SMAD4: variants seen among roughly 807,000 people sequenced by gnomAD.
SMAD4 encodes the protein MAD homolog 4.
SMAD4 carries 7 observed loss-of-function variants against 63.2 expected under a neutral mutation model. That is an observed-to-expected ratio of 0.11 (90% CI 0.06 to 0.21). The LOEUF (loss-of-function observed/expected upper bound fraction) is 0.21. Among genes scored for constraint, SMAD4 ranks in the 10% least tolerant of loss-of-function variants. SMAD4 has a pLI of 1.00. For missense variants in SMAD4, 312 were observed against 693.8 expected, an observed-to-expected ratio of 0.45 and a Z score of 6.18; for synonymous variants, 215 against 235.4, an observed-to-expected ratio of 0.91 and a Z score of 0.79.
At chr18:51,050,494 C>T (rs1413414511) in intron 4 of SMAD4, among the ~76,000 whole-genome samples, 1 of 151,702 alleles carries the variant, frequency 6.6e-6, no homozygotes, top group Non-Finnish European at 1.5e-5. Context: ...CCCGTCTCTA[C>T]TAAAAACATA....
At chr18:51,065,299 T>C in intron 8 of SMAD4, 124 bp from the exon 9 acceptor site, 1 of 778,850 alleles carries the variant, frequency 1.3e-6, no homozygotes, top group East Asian at 2.5e-5. Context: ...TTGTTTTGGG[T>C]GCATTACATT....
chr18:51,036,309 C>G (rs1319364091), intron 1 of SMAD4, among the ~76,000 whole-genome samples: 14 of 152,222 alleles, frequency 9.2e-5, no homozygotes. Flanking sequence ...CTACTCAGGT[C>G]TTTTCAAGTC....
In SMAD4 at chr18:51,082,280, A is replaced by C. The variant is rs1014336590; in HGVS notation, c.*3813A>C. ...CAGATAGCTATCTAAATAATCTCAT[A>C]TCCTCTTTTGCAAAGACTACAGAGA... On this transcript the variant is annotated 3_prime_UTR_variant, in exon 12 of 12. Transcript: ENST00000342988. The C allele has an allele frequency of 1.3e-5, 3 of 228,944 alleles. No individual in the cohort carries two copies. Among genetic ancestry groups the C allele is most frequent in the Admixed American group, 5.7e-5 (1 of 17,612 alleles). 14.2% of individuals were successfully genotyped at this position (228,944 alleles called of 1,614,324 possible). A position where few individuals can be genotyped will look rare whatever the true frequency, so the allele number is the denominator to read the frequency against.
chr18:51,065,125 C>A (rs1417736524), intron 8 of SMAD4, among the ~76,000 whole-genome samples: 1 of 151,510 alleles, frequency 6.6e-6, no homozygotes, highest in Non-Finnish European at 1.5e-5. Context: ...GAGGTAAGAA[C>A]CAAATTCCAG....
At chr18:51,034,596 G>T (rs1421369496) in intron 1 of SMAD4, among the ~76,000 whole-genome samples, 3 of 151,236 alleles carry the variant, frequency 2.0e-5, no homozygotes, top group African/African-American at 7.3e-5. Context: ...CCAGCCTGGA[G>T]TACAGTGCTG....
At chr18:51,046,022 A>C (rs1455009875) in intron 1 of SMAD4, among the ~76,000 whole-genome samples, 1 of 152,138 alleles carries the variant, frequency 6.6e-6, no homozygotes, top group Non-Finnish European at 1.5e-5. Flanking sequence ...CTATGCATTC[A>C]TCAGTTGATG....
At chr18:51,073,361 T>TTATA (rs35099364) in intron 10 of SMAD4, among the ~76,000 whole-genome samples, 848 of 21,848 alleles carry the variant, frequency 0.039, 38 homozygotes, top group African/African-American at 0.043. Flanking sequence ...CCAGATAACA[T>TTATA]TATATATATA....
intron 4 of SMAD4, chr18:51,051,158 G>T: frequency 3.6e-6 from 1 of 280,802 alleles, no homozygotes; most frequent in South Asian, 3.4e-5. Context: ...TCTCTCTATG[G>T]GGCTGTTTGT....
chr18:51,064,481 T>A (rs991656922), intron 8 of SMAD4, among the ~76,000 whole-genome samples: 3 of 152,250 alleles, frequency 2.0e-5, no homozygotes, highest in Non-Finnish European at 4.4e-5. Context: ...TGTTTTCTAC[T>A]GTGTATGCAG....
In SMAD4 at chr18:51,033,112, C is replaced by T. The variant is rs558000718; in HGVS notation, c.-128+2489C>T. Among the ~76,000 whole-genome samples the T allele has an allele frequency of 6.3e-4, 96 of 151,264 alleles. 3 individuals carry two copies. The highest frequency in any genetic ancestry group is 5.9e-3 in the Admixed American group (90 of 15,172). On this transcript the variant is annotated intron_variant, in intron 1 of 11. Coordinates refer to ENST00000342988, the MANE Select transcript of SMAD4 (RefSeq NM_005359.6). ...GTGACTCTGAGGTGACCATTAATCG[C>T]GTATAAAAGTAACCTGACTAAAATG...
chr18:51,073,386 T>TATATATATAC (rs1785322572), intron 10 of SMAD4, among the ~76,000 whole-genome samples: 2 of 82,076 alleles, frequency 2.4e-5, no homozygotes, highest in Non-Finnish European at 2.3e-5. Context: ...TATATATATA[T>TATATATATAC]ATACACACAC....
chr18:51,080,412 T>C lies in SMAD4; in HGVS notation c.*1945T>C. 1 of 231,334 alleles carries C rather than the reference T, an allele frequency of 4.3e-6. No individual in the cohort carries two copies. The highest frequency in any genetic ancestry group is 8.6e-6 in the Non-Finnish European group (1 of 116,948). The allele number at this position is 231,334 out of a possible 1,614,324, so 14.3% of individuals were successfully genotyped here. On this transcript the variant is annotated 3_prime_UTR_variant, in exon 12 of 12. Transcript: ENST00000342988. ...TTATTGGCAGTTTTATAAAAAGACA[T>C]CTTCTCTAGAAATTGCTAACTTTAG...
At chr18:51,076,970 T>C (rs1316403376) in intron 11 of SMAD4, 194 bp downstream of exon 11, 3 of 506,842 alleles carry the variant, frequency 5.9e-6, no homozygotes, top group African/African-American at 5.9e-5. Flanking sequence ...TTGCATTCTT[T>C]TTGTATCAAA....
chr18:51,063,809 G>T (rs1429983743), intron 8 of SMAD4, among the ~76,000 whole-genome samples: 8 of 152,186 alleles, frequency 5.3e-5, no homozygotes, highest in Non-Finnish European at 1.0e-4. Context: ...TAAGCATAAT[G>T]AAATATATGT....
chr18:51,060,939 A>G (rs1013804636), intron 8 of SMAD4, among the ~76,000 whole-genome samples: 3 of 151,766 alleles, frequency 2.0e-5, no homozygotes, highest in Non-Finnish European at 2.9e-5. Flanking sequence ...GGATCTCGCT[A>G]TGTTGTCCAG....
At chr18:51,049,896 A>G (rs970441067) in intron 4 of SMAD4, among the ~76,000 whole-genome samples, 1 of 152,240 alleles carries the variant, frequency 6.6e-6, no homozygotes, top group Non-Finnish European at 1.5e-5. Context: ...TATTTTTAAA[A>G]AGAAAAAGTG....
At chr18:51,050,221 T>TG (rs1360937125) in intron 4 of SMAD4, among the ~76,000 whole-genome samples, 3 of 151,802 alleles carry the variant, frequency 2.0e-5, no homozygotes, top group Non-Finnish European at 2.9e-5. Context: ...TAGCCAGGCA[T>TG]GGTGGCGGGT....
At chr18:51,064,688 G>T (rs1278240100) in intron 8 of SMAD4, among the ~76,000 whole-genome samples, 3 of 152,130 alleles carry the variant, frequency 2.0e-5, no homozygotes, top group African/African-American at 7.2e-5. Flanking sequence ...ATATATTATT[G>T]TTCAAATGAG....
chr18:51,051,521 C>G (rs1415074417), intron 4 of SMAD4: 10 of 409,470 alleles, frequency 2.4e-5, no homozygotes, highest in Non-Finnish European at 4.8e-5. Context: ...TTTCTATGAC[C>G]ACGTTGACCT....
Sources: allele counts gnomAD v4.1 joint callset (sites outside exome capture counted in the v4.1 genomes callset), GRCh38; gene constraint gnomAD v4.1.1; transcripts MANE v1.5; gene names NCBI Gene and HGNC (gene_info 2026-07-23, HGNC 2026-07-21).